MUL1: variants seen among roughly 807,000 people sequenced by gnomAD.
The protein encoded by MUL1 is mitochondrial E3 ubiquitin protein ligase 1.
Under a neutral mutation model 34.1 loss-of-function variants are expected in MUL1, and 30 were observed. That is an observed-to-expected ratio of 0.88 (90% CI 0.66 to 1.19). MUL1 has a LOEUF of 1.19. MUL1 is among the 50% of genes most tolerant of loss of function. MUL1 has a pLI of 0.00. For synonymous variants in MUL1, 191 were observed against 187.8 expected, an observed-to-expected ratio of 1.02 and a Z score of -0.14; for missense variants, 419 against 450.5, an observed-to-expected ratio of 0.93 and a Z score of 0.63.
At chr1:20,502,280 A>C in intron 2 of MUL1, 91 bp from the exon 3 acceptor site, 1 of 1,549,186 alleles carries the variant, frequency 6.5e-7, no homozygotes, top group Non-Finnish European at 8.8e-7. Flanking sequence ...CTGGCACAGT[A>C]GGTCACACCT....
intron 1 of MUL1, among the ~76,000 whole-genome samples, chr1:20,506,959 G>C (rs2051720721): frequency 6.6e-6 from 1 of 152,208 alleles, no homozygotes; most frequent in African/African-American, 2.4e-5. Flanking sequence ...GGGCGCAGTG[G>C]CTCACGCCTT....
At chr1:20,507,216 G>A (rs2051724004) in intron 1 of MUL1, among the ~76,000 whole-genome samples, 1 of 151,898 alleles carries the variant, frequency 6.6e-6, no homozygotes, top group Non-Finnish European at 1.5e-5. Context: ...ACTCCATCTC[G>A]AAAAAATAAA....
At position 20,503,153 on chromosome 1, in the gene MUL1, G is replaced by C. The variant is rs192915931; in HGVS notation, c.208+69C>G. The C allele has an allele frequency of 1.2e-5, 14 of 1,170,204 alleles. No individual in the cohort carries two copies. The East Asian group carries it at 3.1e-4, about 26-fold the overall frequency. 72.5% of individuals were successfully genotyped at this position (1,170,204 alleles called of 1,614,324 possible). On this transcript the variant is annotated intron_variant, in intron 2 of 3. Coordinates refer to ENST00000264198, the MANE Select transcript of MUL1 (RefSeq NM_024544.3). The stretch of plus-strand genomic sequence containing the variant: ...ACACCACAAAAGGCTCTTCATATTA[G>C]CCAAGATGATCTTTATCAATCTTTT...
At position 20,501,029 on chromosome 1, in the gene MUL1, C is replaced by G. The variant is rs2051653142; in HGVS notation, c.720G>C (p.Trp240Cys). ...AGCCAAAAACCAGCGCCAGCACCTT[C>G]CAGAGCCTGACGCTCGACTCCTGCC... is the stretch of plus-strand genomic sequence containing the variant. The part of the protein sequence containing the change: ...LQRQESSVRL[W>C]KVLALVFGFA... The change falls in exon 4 of 4, where the codon TGG (tryptophan) becomes TGC (cysteine). Residue 240 changes from tryptophan to cysteine, a missense_variant. By Grantham distance (215) the Trp-to-Cys change is radical. Coordinates refer to ENST00000264198, the MANE Select transcript of MUL1 (RefSeq NM_024544.3). The surrounding 1 kb of genome is among the most constrained non-coding windows in gnomAD (Gnocchi z 4.2). 1.2e-6 allele frequency: 2 copies of G among 1,614,004 alleles called. 1 individual carries two copies. The highest frequency in any genetic ancestry group is 2.2e-5 in the South Asian group (2 of 91,096).
Position 20,508,068 on chromosome 1 carries a change from G to A in MUL1, c.-44C>T, listed in dbSNP as rs754707968. 4 of 1,563,372 alleles carry A rather than the reference G, an allele frequency of 2.6e-6. No homozygotes were observed. The South Asian group carries it at 4.7e-5, about 18-fold the overall frequency. On this transcript the variant is annotated 5_prime_UTR_variant, in exon 1 of 4. Coordinates refer to ENST00000264198, the MANE Select transcript of MUL1 (RefSeq NM_024544.3). ...TGGCCGACTGTGGCGCCAAGGATAG[G>A]CCTGGTGACCCCCGACTCTCCACCT...
intron 2 of MUL1, among the ~76,000 whole-genome samples, chr1:20,502,467 T>A (rs1170497487): frequency 6.6e-6 from 1 of 152,152 alleles, no homozygotes; most frequent in African/African-American, 2.4e-5. Flanking sequence ...GAGAATCACT[T>A]GAGCTCAGGA....
intron 1 of MUL1, among the ~76,000 whole-genome samples, chr1:20,505,515 C>T (rs1430907150): frequency 5.8e-5 from 8 of 136,772 alleles, no homozygotes; most frequent in Admixed American, 5.7e-4. Flanking sequence ...CCTGGGAGCT[C>T]GAGGCTGCAA....
In MUL1 at chr1:20,500,086, T is replaced by C. The variant is rs968706862; in HGVS notation, c.*604A>G. 1 of 152,156 alleles carries C rather than the reference T, an allele frequency of 6.6e-6. No individual in the cohort carries two copies. Among genetic ancestry groups the C allele is most frequent in the Non-Finnish European group, 1.5e-5 (1 of 68,082 alleles). 9.4% of individuals were successfully genotyped at this position (152,156 alleles called of 1,614,324 possible). On this transcript the variant is annotated 3_prime_UTR_variant, in exon 4 of 4. Coordinates refer to ENST00000264198, the MANE Select transcript of MUL1 (RefSeq NM_024544.3). ...AGAAGCGGATGTGCTGACTTCACTT[T>C]CTTTTGTCCTCTACACACACGTGCA...
chr1:20,508,115 C>T lies in MUL1; in HGVS notation c.-91G>A, dbSNP rs890938007. ...ACCTCCTTCCGACCAGGACCGCACCCCCCCGGCCTAACCTGACCGGAAACT... is the reference window on the plus strand; with the variant it reads ...ACCTCCTTCCGACCAGGACCGCACCTCCCCGGCCTAACCTGACCGGAAACT... On this transcript the variant is annotated 5_prime_UTR_variant, in exon 1 of 4. Coordinates refer to ENST00000264198, the MANE Select transcript of MUL1 (RefSeq NM_024544.3). The T allele has an allele frequency of 1.3e-6, 2 of 1,500,372 alleles. No homozygotes were observed. The highest frequency in any genetic ancestry group is 2.5e-5 in the South Asian group (2 of 78,814). The allele number at this position is 1,500,372 out of a possible 1,614,324, so 92.9% of individuals were successfully genotyped here. A position where few individuals can be genotyped will look rare whatever the true frequency, so the allele number is the denominator to read the frequency against.
chr1:20,507,751 T>C lies in MUL1; in HGVS notation c.120+154A>G, dbSNP rs608578. ...TTATCCCGAGCCCGAATCCTGCCCCTCGCTCCTCCATCTACTGGCTGGATG... is the reference window on the plus strand; with the variant it reads ...TTATCCCGAGCCCGAATCCTGCCCCCCGCTCCTCCATCTACTGGCTGGATG... On this transcript the variant is annotated intron_variant, in intron 1 of 3. Transcript: ENST00000264198. 2.3e-3 allele frequency among the ~76,000 whole-genome samples: 358 copies of C among 152,354 alleles called. 3 individuals carry two copies. The highest frequency in any genetic ancestry group is 7.4e-3 in the African/African-American group (309 of 41,576).
At chr1:20,502,476 G>C (rs912996158) in intron 2 of MUL1, among the ~76,000 whole-genome samples, 1 of 152,206 alleles carries the variant, frequency 6.6e-6, no homozygotes, top group African/African-American at 2.4e-5. Flanking sequence ...TTGAGCTCAG[G>C]AGTTTGAGGC....
rs1347749562 is a variant in MUL1 at position 20,500,803 on chromosome 1, C to G, written c.946G>C (p.Glu316Gln). ...GTGCAGGAACAAACGTGCCCACACTCCAGAAAGACGCAGGACTTGAAGCTG... is the reference window on the plus strand; with the variant it reads ...GTGCAGGAACAAACGTGCCCACACTGCAGAAAGACGCAGGACTTGAAGCTG... ...LSSFKSCVFL[E>Q]CGHVCSCTEC... Residue 316 changes from glutamate (E) to glutamine (Q), a missense_variant, in exon 4 of 4, where the codon GAG becomes CAG. Transcript: ENST00000264198. 6.2e-7 allele frequency: 1 copy of G among 1,614,036 alleles called. No homozygotes were observed. The highest frequency in any genetic ancestry group is 8.5e-7 in the Non-Finnish European group (1 of 1,180,038).
At chr1:20,506,587 C>T (rs1278286800) in intron 1 of MUL1, among the ~76,000 whole-genome samples, 2 of 152,154 alleles carry the variant, frequency 1.3e-5, no homozygotes, top group African/African-American at 2.4e-5. Flanking sequence ...CAGTGGCTCA[C>T]GCCTGTAATC....
At chr1:20,502,258 G>A in intron 2 of MUL1, 69 bp from the exon 3 acceptor site, 1 of 1,600,542 alleles carries the variant, frequency 6.2e-7, no homozygotes, top group Non-Finnish European at 8.5e-7. Context: ...AATTTAAAAT[G>A]TGTTTTCTGG....
rs780794354 is a variant in MUL1 at position 20,502,193 on chromosome 1, A to G, written c.209-4T>C. The G allele has an allele frequency of 2.5e-6, 4 of 1,613,898 alleles. No homozygotes were observed. In the South Asian group the frequency reaches 4.4e-5, roughly 18 times the overall value. ...TCTTTAACAGACCGCACAGCTCCTAAGTGGACACAAATTCTATTATTTCTG... is the reference window on the plus strand; with the variant it reads ...TCTTTAACAGACCGCACAGCTCCTAGGTGGACACAAATTCTATTATTTCTG... On this transcript the variant is annotated splice_polypyrimidine_tract_variant and splice_region_variant and intron_variant, in intron 2 of 3. Transcript: ENST00000264198.
chr1:20,502,941 ATTTTAGAAGCACTCTCC>A (rs2051678120), intron 2 of MUL1, among the ~76,000 whole-genome samples: 2 of 152,126 alleles, frequency 1.3e-5, no homozygotes, highest in South Asian at 4.1e-4. Context: ...CATAAGTCAC[ATTTTAGAAGCACTCTCC>A]TAAGCACTTT....
At chr1:20,504,796 T>C (rs1406836043) in intron 1 of MUL1, among the ~76,000 whole-genome samples, 1 of 152,198 alleles carries the variant, frequency 6.6e-6, no homozygotes, top group Non-Finnish European at 1.5e-5. Flanking sequence ...AAGTAAGCAT[T>C]TAAATATACT....
rs2051635407 is a variant in MUL1, at chr1:20,499,866, T to C, written c.*824A>G. ...AGGCCAGGACACTAGGCCAGTGGCA[T>C]CCACACTGCGTCCTTCAGGAGGCGA... On this transcript the variant is annotated 3_prime_UTR_variant, in exon 4 of 4. Coordinates refer to ENST00000264198, the MANE Select transcript of MUL1 (RefSeq NM_024544.3). 1 of 152,228 alleles carries C rather than the reference T, an allele frequency of 6.6e-6. No individual in the cohort carries two copies. Among genetic ancestry groups the C allele is most frequent in the Admixed American group, 6.5e-5 (1 of 15,280 alleles). 9.4% of individuals were successfully genotyped at this position (152,228 alleles called of 1,614,324 possible).
In MUL1 at chr1:20,501,217, G is replaced by A. The variant is rs758966256; in HGVS notation, c.532C>T (p.Arg178Trp). The change falls in exon 4 of 4, where the codon CGG becomes TGG. Residue 178 changes from arginine to tryptophan, a missense_variant. Coordinates refer to ENST00000264198, the MANE Select transcript of MUL1 (RefSeq NM_024544.3). The surrounding 1 kb of genome is among the most constrained non-coding windows in gnomAD (Gnocchi z 4.2). ...TCGGTCTCTTGGATGCCTTTGGGCC[G>A]CTCACCGCTGATGTAGTGGCCGATG... Reference protein sequence around the residue: ...DVIGHYISGERPKGIQETEEM... With the variant: ...DVIGHYISGEWPKGIQETEEM... 4 of 1,614,164 alleles carry A rather than the reference G, an allele frequency of 2.5e-6. No individual in the cohort carries two copies. Among genetic ancestry groups the A allele is most frequent in the South Asian group, 1.1e-5 (1 of 91,080 alleles).
Sources: gnomAD v4.1 joint callset for allele counts (sites outside exome capture counted in the v4.1 genomes callset) on GRCh38, gnomAD v4.1.1 for gene constraint, Gnocchi (gnomAD v3.1) non-coding constraint, MANE v1.5 for transcripts, NCBI Gene and HGNC (gene_info 2026-07-23, HGNC 2026-07-21) for gene names.